The following TGFBR2 variants were observed in gnomAD, a reference collection of about 807,000 sequenced individuals.
TGFBR2 encodes the protein TGF-beta receptor type-2.
TGFBR2 carries 18 observed loss-of-function variants against 49.0 expected under a neutral mutation model. That is an observed-to-expected ratio of 0.37 (90% CI 0.25 to 0.54). TGFBR2 has a LOEUF of 0.54. TGFBR2 is among the 20% of genes least tolerant of loss of function. The probability of loss-of-function intolerance (pLI) is 0.85; values close to 1 mark genes in which losing one functional copy is unlikely to be tolerated. For synonymous variants in TGFBR2, 282 were observed against 275.9 expected (o/e 1.02, Z -0.22); for missense variants, 525 against 722.6 (o/e 0.73, Z 3.13).
chr3:30,631,035 C>CCTTTTTTT (rs1698427505), intron 1 of TGFBR2, among the ~76,000 whole-genome samples: 2 of 119,096 alleles, frequency 1.7e-5, no homozygotes, highest in Non-Finnish European at 3.4e-5. Context: ...AAAGGAGTAG[C>CCTTTTTTT]CTTTTTTTTT....
chr3:30,655,261 C>T lies in TGFBR2; in HGVS notation c.454+4801C>T, dbSNP rs72849400. ...CAGGAAACCAGGCCTGTGTAGCCTT[C>T]GGTCTGTTCTAACACTGAAGTTTTG... is the stretch of plus-strand genomic sequence containing the variant. On this transcript the variant is annotated intron_variant, in intron 3 of 6. Coordinates refer to ENST00000295754, the MANE Select transcript of TGFBR2 (RefSeq NM_003242.6). Among the ~76,000 whole-genome samples the T allele has an allele frequency of 6.9e-3, 1,055 of 152,270 alleles. 15 individuals carry two copies. The highest frequency in any genetic ancestry group is 0.024 in the African/African-American group (1,005 of 41,546).
chr3:30,658,799 T>G (rs1346981900), intron 3 of TGFBR2, among the ~76,000 whole-genome samples: 1 of 152,208 alleles, frequency 6.6e-6, no homozygotes, highest in African/African-American at 2.4e-5. Flanking sequence ...ACACGCGGTT[T>G]CCTGTCTATG....
At position 30,671,697 on chromosome 3, in the gene TGFBR2, C is replaced by T. The variant is rs1371331911; in HGVS notation, c.514C>T (p.Leu172Phe). 2 of 1,614,202 alleles carry T rather than the reference C, an allele frequency of 1.2e-6. No individual in the cohort carries two copies. The highest frequency in any genetic ancestry group is 2.2e-5 in the East Asian group (1 of 44,872). ...LVIFQVTGIS[L>F]LPPLGVAISV... is the part of the protein sequence containing the mutation. ...CATATTTCAAGTGACAGGCATCAGC[C>T]TCCTGCCACCACTGGGAGTTGCCAT... The change falls in exon 4 of 7, where the codon CTC (leucine) becomes TTC (phenylalanine). Residue 172 changes from leucine (L) to phenylalanine (F), a missense_variant. Transcript: ENST00000295754.
rs187194206 is a variant in TGFBR2 at position 30,673,953 on chromosome 3, T to A, written c.1255-152T>A. The A allele has an allele frequency of 7.1e-5, 61 of 853,708 alleles. 1 individual carries two copies. The highest frequency in any genetic ancestry group is 4.4e-4 in the South Asian group (29 of 66,564). 52.9% of individuals were successfully genotyped at this position (853,708 alleles called of 1,614,324 possible). ...ATTTTAAAAAATAACCATCTATCTG[T>A]ACCTTTCTGTGCATTTCTCATTCTT... On this transcript the variant is annotated intron_variant, in intron 4 of 6. Coordinates refer to ENST00000295754, the MANE Select transcript of TGFBR2 (RefSeq NM_003242.6).
intron 1 of TGFBR2, among the ~76,000 whole-genome samples, chr3:30,622,879 C>CAAAAAAAAAAA (rs10575244): frequency 4.0e-5 from 3 of 75,624 alleles, no homozygotes; most frequent in Non-Finnish European, 4.6e-5. Context: ...GACTTTGTCT[C>CAAAAAAAAAAA]AAAAAAAAAA....
chr3:30,627,507 T>C (rs933280571), intron 1 of TGFBR2, among the ~76,000 whole-genome samples: 2 of 152,026 alleles, frequency 1.3e-5, no homozygotes, highest in African/African-American at 4.8e-5. Context: ...GCCAGTAGCC[T>C]AAAAACCCTG....
intron 5 of TGFBR2, among the ~76,000 whole-genome samples, chr3:30,679,068 C>A (rs576894188): frequency 1.3e-5 from 2 of 152,324 alleles, no homozygotes; most frequent in African/African-American, 4.8e-5. Context: ...GTGTTCATCA[C>A]TTCATCATGA....
At chr3:30,622,744 G>A (rs1698253908) in intron 1 of TGFBR2, among the ~76,000 whole-genome samples, 2 of 151,720 alleles carry the variant, frequency 1.3e-5, no homozygotes, top group Admixed American at 1.3e-4. Flanking sequence ...GCTAGGAGTG[G>A]TGGGACACGC....
chr3:30,661,513 A>G (rs750188592), intron 3 of TGFBR2: 13 of 486,226 alleles, frequency 2.7e-5, no homozygotes, highest in Admixed American at 4.3e-5. Flanking sequence ...GAAATGACCA[A>G]TTTTCTAAAA....
intron 5 of TGFBR2, among the ~76,000 whole-genome samples, chr3:30,688,103 C>T (rs1188692350): frequency 2.0e-5 from 3 of 152,206 alleles, no homozygotes; most frequent in Non-Finnish European, 4.4e-5. Flanking sequence ...AACCTAAGCT[C>T]CGTGACCCTC....
chr3:30,606,734 C>A lies in TGFBR2; in HGVS notation c.-150C>A. The A allele has an allele frequency of 4.0e-6, 2 of 501,240 alleles. No homozygotes were observed. Among genetic ancestry groups the A allele is most frequent in the Non-Finnish European group, 6.3e-6 (2 of 317,692 alleles). The allele number at this position is 501,240 out of a possible 1,614,324, so 31.0% of individuals were successfully genotyped here. ...GGCCTCCAGGCCCCCTCCTGGCTGG[C>A]GAGCGGGCGCCACATCTGGCCCGCA... is the stretch of plus-strand genomic sequence containing the variant. On this transcript the variant is annotated 5_prime_UTR_variant, in exon 1 of 7. Coordinates refer to ENST00000295754, the MANE Select transcript of TGFBR2 (RefSeq NM_003242.6).
chr3:30,608,131 G>T (rs959293673), intron 1 of TGFBR2, among the ~76,000 whole-genome samples: 2 of 151,820 alleles, frequency 1.3e-5, no homozygotes, highest in Non-Finnish European at 2.9e-5. Flanking sequence ...TAGAGACGGG[G>T]TTTCACCATA....
At chr3:30,607,845 A>G (rs1697958149) in intron 1 of TGFBR2, among the ~76,000 whole-genome samples, 1 of 122,742 alleles carries the variant, frequency 8.1e-6, no homozygotes, top group African/African-American at 4.8e-5. Context: ...ATAATTATAT[A>G]TATAAATATA....
chr3:30,678,565 A>AAAAAAG (rs1559469322), intron 5 of TGFBR2, among the ~76,000 whole-genome samples: 9 of 150,360 alleles, frequency 6.0e-5, no homozygotes, highest in African/African-American at 2.2e-4. Context: ...AAAAAAAAAA[A>AAAAAAG]AAAGAGGTAT....
At chr3:30,637,878 T>C (rs1698567807) in intron 1 of TGFBR2, among the ~76,000 whole-genome samples, 1 of 152,254 alleles carries the variant, frequency 6.6e-6, no homozygotes, top group African/African-American at 2.4e-5. Context: ...GGCAAAAGGC[T>C]ATTTGCGTTT....
chr3:30,607,549 G>C (rs1009235867), intron 1 of TGFBR2, among the ~76,000 whole-genome samples: 2 of 152,092 alleles, frequency 1.3e-5, no homozygotes, highest in Non-Finnish European at 2.9e-5. Flanking sequence ...AAGTTAGCTG[G>C]CTCCACTGAC....
intron 3 of TGFBR2, among the ~76,000 whole-genome samples, chr3:30,669,619 G>T (rs1479128077): frequency 6.6e-6 from 1 of 152,124 alleles, no homozygotes; most frequent in Non-Finnish European, 1.5e-5. Flanking sequence ...TTATGCAAAT[G>T]GGCTTTCCAG....
At chr3:30,656,663 C>T (rs1192074968) in intron 3 of TGFBR2, among the ~76,000 whole-genome samples, 2 of 152,180 alleles carry the variant, frequency 1.3e-5, no homozygotes, top group South Asian at 2.1e-4. Flanking sequence ...GGACCACTTC[C>T]AGCTCCCAAA....
intron 1 of TGFBR2, among the ~76,000 whole-genome samples, chr3:30,622,076 A>G (rs913165484): frequency 2.0e-5 from 3 of 152,196 alleles, no homozygotes; most frequent in Admixed American, 2.0e-4. Context: ...AGTTCTGGGA[A>G]GGGAAGTGAA....
Sources: allele counts gnomAD v4.1 joint callset (sites outside exome capture counted in the v4.1 genomes callset), GRCh38; gene constraint gnomAD v4.1.1; transcripts MANE v1.5; gene names NCBI Gene and HGNC (gene_info 2026-07-23, HGNC 2026-07-21).